The following TTN variants were observed in gnomAD, a reference collection of about 807,000 sequenced individuals.
The protein encoded by TTN is connectin.
A neutral mutation model predicts 3,223.0 loss-of-function variants in TTN; 1,525 were observed. That is an observed-to-expected ratio of 0.47 (90% CI 0.45 to 0.49). The LOEUF (loss-of-function observed/expected upper bound fraction) is 0.49, where lower values mean the gene tolerates loss of function less well. Among genes scored for constraint, TTN ranks in the 20% least tolerant of loss-of-function variants. TTN has a pLI of 0.00. For missense variants in TTN, 40,786 were observed against 43,424.0 expected (o/e 0.94, Z 5.40); for synonymous variants, 14,094 against 15,161.0 (o/e 0.93, Z 5.17).
intron 295 of TTN, 64 bp from the exon 296 acceptor site, chr2:178,594,710 T>C: frequency 1.5e-6 from 2 of 1,313,574 alleles, no homozygotes; most frequent in Non-Finnish European, 1.0e-6. Flanking sequence ...TAGTAGGATG[T>C]AGTGAATATT....
rs751180456 is a variant in TTN at position 178,554,254 on chromosome 2, C to G, written c.88895-38G>C. Reference sequence around the variant, plus strand: ...GAAGGGAAAACAAGGTACAAGAATCCACATTACTGATAAATTATACCTTTG... The same window carrying G: ...GAAGGGAAAACAAGGTACAAGAATCGACATTACTGATAAATTATACCTTTG... On this transcript the variant is annotated intron_variant, in intron 332 of 362. Transcript: ENST00000589042. The G allele has an allele frequency of 2.6e-6, 4 of 1,523,900 alleles. No homozygotes were observed. The East Asian group carries it at 9.0e-5, about 34-fold the overall frequency. 94.4% of individuals were successfully genotyped at this position (1,523,900 alleles called of 1,614,324 possible).
chr2:178,736,795 T>C (rs2081526737), intron 49 of TTN, among the ~76,000 whole-genome samples: 2 of 152,138 alleles, frequency 1.3e-5, no homozygotes, highest in South Asian at 4.1e-4. Flanking sequence ...ATGTACTTGG[T>C]TTTATGGAGA....
chr2:178,779,150 A>G, intron 23 of TTN, 32 bp from the exon 24 acceptor site: 6 of 1,613,168 alleles, frequency 3.7e-6, no homozygotes, highest in Non-Finnish European at 4.2e-6. Flanking sequence ...TATGAATAAA[A>G]TTTACATCAA....
At chr2:178,646,583 G>C (rs2062036902) in intron 215 of TTN, 24 bp from the exon 216 acceptor site, 4 of 1,429,150 alleles carry the variant, frequency 2.8e-6, no homozygotes, top group Non-Finnish European at 3.8e-6. Context: ...TGACAAAGGA[G>C]ATGAGGTTGC....
rs1438353842 is a variant in TTN, at chr2:178,673,674, G to GGAACA, written c.34744_34745insTGTTC (p.Pro11582LeufsTer81). 6.3e-7 allele frequency: 1 copy of GGAACA among 1,591,802 alleles called. No homozygotes were observed. Among genetic ancestry groups the GGAACA allele is most frequent in the South Asian group, 1.2e-5 (1 of 85,100 alleles). ...CTCCACTTTTTTAGGAACAGGAGTA[G>GGAACA]GTGCTTCAGGTACTGCTTTCTTAAT... On this transcript the variant is annotated frameshift_variant, in exon 152 of 363. Coordinates refer to ENST00000589042, the MANE Select transcript of TTN (RefSeq NM_001267550.2). LOFTEE classifies it high-confidence loss of function.
intron 43 of TTN, among the ~76,000 whole-genome samples, chr2:178,760,050 C>G (rs1009970565): frequency 6.6e-6 from 1 of 152,210 alleles, no homozygotes; most frequent in African/African-American, 2.4e-5. Context: ...TATACCACTT[C>G]TTGGTCTCAA....
At position 178,724,158 on chromosome 2, in the gene TTN, G is replaced by A; in HGVS notation, c.21116-15C>T. 6.3e-7 allele frequency: 1 copy of A among 1,597,598 alleles called. No homozygotes were observed. The highest frequency in any genetic ancestry group is 8.5e-7 in the Non-Finnish European group (1 of 1,171,652). ...AACTGCTCGGTCTGTGTGAGGAAAGGTAAGAGACTCATCATGATTTGAAAG... is the reference window on the plus strand; with the variant it reads ...AACTGCTCGGTCTGTGTGAGGAAAGATAAGAGACTCATCATGATTTGAAAG... On this transcript the variant is annotated splice_polypyrimidine_tract_variant and intron_variant, in intron 72 of 362. Coordinates refer to ENST00000589042, the MANE Select transcript of TTN (RefSeq NM_001267550.2).
chr2:178,745,872 C>T, intron 47 of TTN: 1 of 1,612,560 alleles, frequency 6.2e-7, no homozygotes, highest in Non-Finnish European at 8.5e-7. Context: ...GGCCCTTCCA[C>T]CACCTGAAAT....
chr2:178,750,794 T>C (rs1245588951), intron 47 of TTN: 17 of 1,613,050 alleles, frequency 1.1e-5, no homozygotes, highest in Non-Finnish European at 1.4e-5. Flanking sequence ...AGACACATTT[T>C]CAGGAGTCTC....
rs376460156 is a variant in TTN at position 178,589,318 on chromosome 2, A to G, written c.62407T>C (p.Trp20803Arg). Residue 20803 changes from tryptophan (W) to arginine (R), a missense_variant, in exon 304 of 363, where the codon TGG (tryptophan) becomes CGG (arginine). Trp to Arg is a moderately radical substitution (Grantham distance 101). Transcript: ENST00000589042. ...TCTGTAGCGTCTTTGTCCTTGGTCCATGCAACTTCTGGGAATGGTTTGCCT... is the reference window on the plus strand; with the variant it reads ...TCTGTAGCGTCTTTGTCCTTGGTCCGTGCAACTTCTGGGAATGGTTTGCCT... Reference protein sequence around the residue: ...VRGKPFPEVAWTKDKDATDLT... With the variant: ...VRGKPFPEVARTKDKDATDLT... 1.9e-5 allele frequency: 30 copies of G among 1,612,866 alleles called. No individual in the cohort carries two copies. The highest frequency in any genetic ancestry group is 2.4e-5 in the Non-Finnish European group (28 of 1,179,252).
In TTN at chr2:178,730,302, G is replaced by A. The variant is rs771457862; in HGVS notation, c.18098C>T (p.Ala6033Val). Residue 6033 changes from alanine (A) to valine (V), a missense_variant, in exon 62 of 363, where the codon GCT becomes GTT. Transcript: ENST00000589042. The part of the protein sequence containing the change: ...VNPNTRVQLK[A>V]LVGGTAPMTI... Reference sequence around the variant, plus strand: ...CATGGGTGCAGTGCCACCCACAAGAGCCTTTAACTGTACCCTTGTGTTGGG... The same window carrying A: ...CATGGGTGCAGTGCCACCCACAAGAACCTTTAACTGTACCCTTGTGTTGGG... 1 of 1,611,678 alleles carries A rather than the reference G, an allele frequency of 6.2e-7. No homozygotes were observed. The highest frequency in any genetic ancestry group is 1.3e-5 in the African/African-American group (1 of 74,876).
Position 178,542,699 on chromosome 2 carries a change from G to T in TTN, c.97155C>A (p.Thr32385=), listed in dbSNP as rs766443861. Residue 32385 remains threonine (T), a synonymous_variant, in exon 348 of 363, where the codon ACC becomes ACA. Transcript: ENST00000589042. ...GEYTLELKNV[T]GTTSETIKVI... ...CTTTAATGGTTTCTGAAGTAGTTCC[G>T]GTAACATTCTTCAATTCAAGTGTGT... 5 of 1,613,692 alleles carry T rather than the reference G, an allele frequency of 3.1e-6. No homozygotes were observed. The highest frequency in any genetic ancestry group is 2.5e-6 in the Non-Finnish European group (3 of 1,179,710).
rs765130695 is a variant in TTN, at chr2:178,723,248, G to A, written c.21759C>T (p.Tyr7253=). 6 of 1,613,608 alleles carry A rather than the reference G, an allele frequency of 3.7e-6. No homozygotes were observed. The highest frequency in any genetic ancestry group is 5.1e-6 in the Non-Finnish European group (6 of 1,179,688). ...TGACAGAAATTGGAAGTGTTCCAGT[G>A]TAGGTGCTCTCCAGAATTATGGACT... is the stretch of plus-strand genomic sequence containing the variant. The part of the protein sequence containing the change: ...PGKSIILEST[Y]TGTLPISVTW... The change falls in exon 75 of 363, where the codon TAC becomes TAT. Residue 7253 remains tyrosine (Y), a synonymous_variant. Coordinates refer to ENST00000589042, the MANE Select transcript of TTN (RefSeq NM_001267550.2).
At chr2:178,695,145 T>C (rs917653109) in intron 115 of TTN, among the ~76,000 whole-genome samples, 2 of 151,954 alleles carry the variant, frequency 1.3e-5, no homozygotes, top group Non-Finnish European at 2.9e-5. Flanking sequence ...ATATTTAAGT[T>C]TACCATTACA....
Position 178,531,551 on chromosome 2 carries a change from C to A in TTN, c.105064G>T (p.Glu35022Ter). 1.2e-6 allele frequency: 2 copies of A among 1,613,956 alleles called. No individual in the cohort carries two copies. The highest frequency in any genetic ancestry group is 1.7e-6 in the Non-Finnish European group (2 of 1,179,872). Residue 35022 changes from glutamate to a stop codon, truncating the protein, a stop_gained, in exon 358 of 363, where the codon GAA (glutamate) becomes TAA (stop). Coordinates refer to ENST00000589042, the MANE Select transcript of TTN (RefSeq NM_001267550.2). LOFTEE classifies it high-confidence loss of function. ...YRAVCTNYKG[E>*]ASDYATLDVT... is the part of the protein sequence containing the mutation. ...TCCAACGTTGCATAGTCAGAAGCTT[C>A]GCCCTTGTAGTTGGTGCACACAGCA...
rs1206302591 is a variant in TTN at position 178,632,958 on chromosome 2, C to A, written c.43173G>T (p.Gln14391His). 1 of 1,613,166 alleles carries A rather than the reference C, an allele frequency of 6.2e-7. No homozygotes were observed. Among genetic ancestry groups the A allele is most frequent in the South Asian group, 1.1e-5 (1 of 91,030 alleles). ...QLGMTGEVSF[Q>H]AANAKSAANL... ...TGGCTGCAGATTTGGCATTAGCAGC[C>A]TGGAAGGAAACCTCTCCTGTCATAC... The change falls in exon 234 of 363, where the codon CAG becomes CAT. Residue 14391 changes from glutamine to histidine, a missense_variant. Gln to His is a conservative substitution (Grantham distance 24). Coordinates refer to ENST00000589042, the MANE Select transcript of TTN (RefSeq NM_001267550.2).
rs763746036 is a variant in TTN at position 178,782,845 on chromosome 2, C to T, written c.3061G>A (p.Ala1021Thr). 1 of 1,613,732 alleles carries T rather than the reference C, an allele frequency of 6.2e-7. No homozygotes were observed. Among genetic ancestry groups the T allele is most frequent in the Non-Finnish European group, 8.5e-7 (1 of 1,179,906 alleles). The change falls in exon 18 of 363, where the codon GCT becomes ACT. Residue 1021 changes from alanine (A) to threonine (T), a missense_variant. By Grantham distance (58) the Ala-to-Thr change is moderately conservative. Coordinates refer to ENST00000589042, the MANE Select transcript of TTN (RefSeq NM_001267550.2). ...TAGCAGGATGTGCTGACGGTTCCAG[C>T]CTCATTTACAGCACTGCAAGTAAAT... is the stretch of plus-strand genomic sequence containing the variant. ...GRFTCSAVNE[A>T]GTVSTSCYLA... is the part of the protein sequence containing the mutation.
chr2:178,704,080 G>A, intron 106 of TTN, 67 bp downstream of exon 106: 14 of 1,559,036 alleles, frequency 9.0e-6, no homozygotes, highest in Non-Finnish European at 1.2e-5. Flanking sequence ...AGGGTTGCAG[G>A]GGTCCTGCAC....
At chr2:178,796,016 T>C (rs1241264992) in intron 6 of TTN, among the ~76,000 whole-genome samples, 2 of 152,238 alleles carry the variant, frequency 1.3e-5, no homozygotes, top group African/African-American at 2.4e-5. Context: ...AATGATTCTG[T>C]GATTTTTGGG....
Sources: allele counts gnomAD v4.1 joint callset (sites outside exome capture counted in the v4.1 genomes callset), GRCh38; gene constraint gnomAD v4.1.1; transcripts MANE v1.5; gene names NCBI Gene and HGNC (gene_info 2026-07-23, HGNC 2026-07-21).